Variants in C8orf34 observed in about 807,000 individuals in gnomAD.
C8orf34 encodes uncharacterized protein C8orf34.
Under a neutral mutation model 68.3 loss-of-function variants are expected in C8orf34, and 65 were observed. The observed-to-expected ratio is 0.95, with a 90% confidence interval of 0.78 to 1.17. C8orf34 has a LOEUF of 1.17. Ranked by LOEUF, C8orf34 falls within the 50% of genes most tolerant of loss-of-function variation. C8orf34 has a pLI of 0.00. For synonymous variants in C8orf34, 244 were observed against 241.2 expected (o/e 1.01, Z -0.11); for missense variants, 664 against 655.4 (o/e 1.01, Z -0.14).
intron 8 of C8orf34, among the ~76,000 whole-genome samples, chr8:68,678,414 T>A (rs1820258650): frequency 1.3e-5 from 2 of 152,188 alleles, no homozygotes; most frequent in Admixed American, 1.3e-4. Context: ...ATATCAGGGA[T>A]GCAAGGATGG....
chr8:68,764,345 C>T (rs935719918), intron 10 of C8orf34, among the ~76,000 whole-genome samples: 4 of 152,170 alleles, frequency 2.6e-5, no homozygotes, highest in Admixed American at 6.5e-5. Context: ...AGTTTGTTGG[C>T]GGTGCAGACC....
intron 10 of C8orf34, among the ~76,000 whole-genome samples, chr8:68,748,323 C>T (rs202143578): frequency 2.7e-3 from 389 of 145,270 alleles, no homozygotes; most frequent in Middle Eastern, 6.8e-3. Flanking sequence ...GACATAGGCA[C>T]GGGCAAGGAC....
chr8:68,625,551 T>C, intron 7 of C8orf34: 1 of 696,890 alleles, frequency 1.4e-6, no homozygotes, highest in Non-Finnish European at 2.6e-6. Context: ...GAGAACAGCA[T>C]GTGAATTCCA....
intron 5 of C8orf34, among the ~76,000 whole-genome samples, chr8:68,493,172 CCTCAAAATATCATTACA>C (rs1348339768): frequency 6.6e-6 from 1 of 151,996 alleles, no homozygotes; most frequent in Non-Finnish European, 1.5e-5. Context: ...GCATTGATAC[CCTCAAAATATCATTACA>C]CTTCCGTGCA....
At position 68,648,364 on chromosome 8, in the gene C8orf34, T is replaced by G. The variant is rs1223359190; in HGVS notation, c.1241+7853T>G. On this transcript the variant is annotated intron_variant, in intron 8 of 13. Transcript: ENST00000518698. ...GAGCATTGCATTAAGATTATCTATT[T>G]AATGTCTTGAATTTTGTTTTAATAT... 2.0e-5 allele frequency among the ~76,000 whole-genome samples: 3 copies of G among 152,256 alleles called. No individual in the cohort carries two copies. The East Asian group carries it at 5.8e-4, about 29-fold the overall frequency.
chr8:68,441,100 T>A (rs967182317), intron 2 of C8orf34, among the ~76,000 whole-genome samples: 3 of 150,156 alleles, frequency 2.0e-5, no homozygotes, highest in Non-Finnish European at 4.5e-5. Context: ...CACCATGCCC[T>A]GCCAACTCTT....
intron 7 of C8orf34, among the ~76,000 whole-genome samples, chr8:68,639,636 T>C (rs1396513619): frequency 6.6e-6 from 1 of 152,158 alleles, no homozygotes; most frequent in Non-Finnish European, 1.5e-5. Context: ...AGCAAGTAAT[T>C]GGAATCCTTT....
At chr8:68,470,054 AG>A (rs1812317964) in intron 4 of C8orf34, among the ~76,000 whole-genome samples, 1 of 151,944 alleles carries the variant, frequency 6.6e-6, no homozygotes. Context: ...ACCTTATCAC[AG>A]GATCTTATGC....
At chr8:68,465,178 CA>C (rs1168617191) in intron 3 of C8orf34, among the ~76,000 whole-genome samples, 2 of 152,092 alleles carry the variant, frequency 1.3e-5, no homozygotes, top group African/African-American at 4.8e-5. Flanking sequence ...GACAATTATG[CA>C]GCCAAAAAAC....
intron 7 of C8orf34, among the ~76,000 whole-genome samples, chr8:68,578,586 C>A (rs1031653761): frequency 1.1e-4 from 17 of 151,370 alleles, no homozygotes; most frequent in Middle Eastern, 3.4e-3. Flanking sequence ...GAGATAAAAA[C>A]CAATTACAGC....
intron 7 of C8orf34, among the ~76,000 whole-genome samples, chr8:68,589,398 G>A (rs1308122298): frequency 2.0e-5 from 3 of 151,516 alleles, no homozygotes; most frequent in African/African-American, 4.9e-5. Context: ...GGGAAGGAAG[G>A]AAGAGAGAAA....
intron 9 of C8orf34, among the ~76,000 whole-genome samples, chr8:68,719,156 C>T (rs16934954): frequency 0.075 from 11,388 of 152,028 alleles, 616 homozygotes; most frequent in African/African-American, 0.15. Flanking sequence ...AAGGTTTTAC[C>T]TTCATGGTGT....
chr8:68,812,915 A>T (rs1450970276), intron 12 of C8orf34, among the ~76,000 whole-genome samples: 2 of 152,168 alleles, frequency 1.3e-5, no homozygotes, highest in Admixed American at 1.3e-4. Context: ...AGAAAACAGG[A>T]TGTGTTTAAT....
chr8:68,741,619 ATAC>A (rs1162451872), intron 10 of C8orf34, among the ~76,000 whole-genome samples: 1 of 152,004 alleles, frequency 6.6e-6, no homozygotes, highest in Non-Finnish European at 1.5e-5. Flanking sequence ...ACCCCACCCC[ATAC>A]TAACTTTCCT....
intron 12 of C8orf34, among the ~76,000 whole-genome samples, chr8:68,815,640 T>G (rs576599557): frequency 9.9e-5 from 15 of 152,272 alleles, no homozygotes; most frequent in African/African-American, 3.6e-4. Context: ...AGGGGCATTT[T>G]GCCTTACATT....
intron 8 of C8orf34, among the ~76,000 whole-genome samples, chr8:68,650,237 A>G (rs913193563): frequency 4.0e-4 from 60 of 151,680 alleles, no homozygotes; most frequent in African/African-American, 1.4e-3. Flanking sequence ...GAAAATTAGG[A>G]TGCCGACACA....
chr8:68,693,405 T>A (rs1292795060), intron 8 of C8orf34, among the ~76,000 whole-genome samples: 1 of 152,144 alleles, frequency 6.6e-6, no homozygotes, highest in Non-Finnish European at 1.5e-5. Flanking sequence ...ACTAGGTATA[T>A]AACTTGGGGA....
intron 1 of C8orf34, chr8:68,438,800 A>T (rs1810774288): frequency 6.6e-6 from 1 of 152,136 alleles, no homozygotes; most frequent in African/African-American, 2.4e-5. Context: ...TGTAGATATT[A>T]CCCTTGGGCA....
rs201380596 is a variant in C8orf34, at chr8:68,506,074, G to GT, written c.766-15717dup. On this transcript the variant is annotated intron_variant, in intron 5 of 13. Transcript: ENST00000518698. Reference sequence around the variant, plus strand: ...AACTTTAACCCCTTGGAGTGTTTTTGTTTTTTTTGTTTTTGGTTTTGTTAT... The same window carrying GT: ...AACTTTAACCCCTTGGAGTGTTTTTGTTTTTTTTTGTTTTTGGTTTTGTTAT... Among the ~76,000 whole-genome samples the GT allele has an allele frequency of 1.1e-4, 16 of 151,090 alleles. 1 individual carries two copies. Among genetic ancestry groups the GT allele is most frequent in the Middle Eastern group, 6.8e-3 (2 of 292 alleles).
Sources: gnomAD v4.1 joint callset for allele counts (sites outside exome capture counted in the v4.1 genomes callset) on GRCh38, gnomAD v4.1.1 for gene constraint, MANE v1.5 for transcripts, NCBI Gene and HGNC (gene_info 2026-07-23, HGNC 2026-07-21) for gene names.